RORA: variants seen among roughly 807,000 people sequenced by gnomAD.
RORA encodes nuclear receptor ROR-alpha.
RORA carries 7 observed loss-of-function variants against 69.5 expected under a neutral mutation model. The observed-to-expected ratio is 0.10, with a 90% CI of 0.06 to 0.19. RORA has a LOEUF of 0.19. RORA is among the 10% of genes least tolerant of loss of function. The pLI is 1.00. For missense variants in RORA, 457 were observed against 663.0 expected (o/e 0.69, Z 3.41); for synonymous variants, 261 against 240.8 (o/e 1.08, Z -0.78).
chr15:60,810,544 C>G (rs2072728632), intron 1 of RORA, among the ~76,000 whole-genome samples: 1 of 152,076 alleles, frequency 6.6e-6, no homozygotes, highest in African/African-American at 2.4e-5. Flanking sequence ...TTCCCATCCC[C>G]TGCTTATTTT....
At chr15:60,995,383 C>T (rs1254289918) in intron 1 of RORA, among the ~76,000 whole-genome samples, 1 of 152,188 alleles carries the variant, frequency 6.6e-6, no homozygotes, top group African/African-American at 2.4e-5. Context: ...AGCGCGAGGC[C>T]TCCTGGCCTT....
At chr15:60,809,584 A>G (rs2072712441) in intron 1 of RORA, among the ~76,000 whole-genome samples, 1 of 152,162 alleles carries the variant, frequency 6.6e-6, no homozygotes, top group Non-Finnish European at 1.5e-5. Flanking sequence ...CCACGACGGA[A>G]GATGAGGTTT....
intron 1 of RORA, among the ~76,000 whole-genome samples, chr15:61,068,772 A>C (rs998065875): frequency 6.6e-6 from 1 of 152,218 alleles, no homozygotes; most frequent in Non-Finnish European, 1.5e-5. Context: ...CAAGACCTGC[A>C]ACAAGTCACC....
chr15:61,211,342 G>A (rs932125691), intron 1 of RORA, among the ~76,000 whole-genome samples: 9 of 148,826 alleles, frequency 6.0e-5, no homozygotes, highest in African/African-American at 1.7e-4. Context: ...CCTTCCTTCC[G>A]CTCAGAAGTG....
intron 1 of RORA, among the ~76,000 whole-genome samples, chr15:61,210,393 G>C (rs1199555370): frequency 1.3e-5 from 2 of 152,078 alleles, no homozygotes; most frequent in Non-Finnish European, 2.9e-5. Flanking sequence ...AGGCAATAAG[G>C]CGAGTCTAAG....
At chr15:60,751,544 T>C (rs959367910) in intron 1 of RORA, among the ~76,000 whole-genome samples, 1 of 152,132 alleles carries the variant, frequency 6.6e-6, no homozygotes, top group African/African-American at 2.4e-5. Context: ...ACTTTACAAA[T>C]GATGTTGAGG....
At chr15:60,600,804 G>A (rs2068792474) in intron 2 of RORA, among the ~76,000 whole-genome samples, 1 of 151,870 alleles carries the variant, frequency 6.6e-6, no homozygotes, top group Admixed American at 6.6e-5. Context: ...AATCAAAATG[G>A]GTTTCCAATC....
chr15:61,171,127 TACTC>T (rs1489750935), intron 1 of RORA, among the ~76,000 whole-genome samples: 5 of 152,182 alleles, frequency 3.3e-5, no homozygotes, highest in Non-Finnish European at 7.4e-5. Flanking sequence ...TGCTGGCTCA[TACTC>T]ACTCTGATCA....
At chr15:60,848,230 C>T (rs1481118081) in intron 1 of RORA, 1 of 152,264 alleles carries the variant, frequency 6.6e-6, no homozygotes, top group Non-Finnish European at 1.5e-5. Flanking sequence ...ATAATGGCCC[C>T]CAAAGATGTC....
Position 60,705,258 on chromosome 15 carries a change from G to A in RORA, c.167-26572C>T, listed in dbSNP as rs117194204. Among the ~76,000 whole-genome samples, 1,097 of 152,266 alleles carry A rather than the reference G, an allele frequency of 7.2e-3. 37 individuals carry two copies. In the East Asian group the frequency reaches 0.1, roughly 14 times the overall value. ...TTTGAAGGCAGGGCTTGTATTAAAT[G>A]CCAAATAAGGAATTTTTACACAATG... On this transcript the variant is annotated intron_variant, in intron 1 of 10. Coordinates refer to ENST00000335670, the MANE Select transcript of RORA (RefSeq NM_134261.3).
intron 1 of RORA, among the ~76,000 whole-genome samples, chr15:60,744,924 C>T (rs2071626409): frequency 6.6e-6 from 1 of 152,198 alleles, no homozygotes; most frequent in Non-Finnish European, 1.5e-5. Context: ...GCCTCCACCA[C>T]TGATTAAATG....
In RORA at chr15:60,990,246, CAATT is replaced by C. The variant is rs576358577; in HGVS notation, c.166+238803_166+238806del. ...GATAATAAATGAAATTTTAATTTGA[CAATT>C]AATAGTATAAAAGTGTTAGGATATT... On this transcript the variant is annotated intron_variant, in intron 1 of 10. Coordinates refer to ENST00000335670, the MANE Select transcript of RORA (RefSeq NM_134261.3). 4.3e-3 allele frequency among the ~76,000 whole-genome samples: 652 copies of C among 152,222 alleles called. 8 individuals are homozygous for C. The highest frequency in any genetic ancestry group is 0.015 in the African/African-American group (623 of 41,514).
At chr15:60,721,916 G>C (rs1247653511) in intron 1 of RORA, among the ~76,000 whole-genome samples, 1 of 152,240 alleles carries the variant, frequency 6.6e-6, no homozygotes, top group Non-Finnish European at 1.5e-5. Flanking sequence ...TTTACTCAAG[G>C]ACTCGCCCTA....
At chr15:61,056,214 G>A (rs1369242640) in intron 1 of RORA, among the ~76,000 whole-genome samples, 2 of 152,162 alleles carry the variant, frequency 1.3e-5, no homozygotes, top group African/African-American at 4.8e-5. Flanking sequence ...GAATTTGCTG[G>A]CTCCGACAGT....
chr15:60,627,326 C>T lies in RORA; in HGVS notation c.196+51331G>A, dbSNP rs774032302. The T allele has an allele frequency of 2.5e-6, 4 of 1,614,200 alleles. No individual in the cohort carries two copies. In the South Asian group the frequency reaches 3.3e-5, roughly 13 times the overall value. On this transcript the variant is annotated intron_variant, in intron 2 of 10. Transcript: ENST00000335670. Reference sequence around the variant, plus strand: ...CAATGACCCATGATTGACCACGGCACTCTTGCCTCAGTCTCTAAGTCACTG... The same window carrying T: ...CAATGACCCATGATTGACCACGGCATTCTTGCCTCAGTCTCTAAGTCACTG...
intron 1 of RORA, among the ~76,000 whole-genome samples, chr15:61,137,040 A>T (rs1158099873): frequency 2.1e-5 from 3 of 139,746 alleles, no homozygotes; most frequent in Non-Finnish European, 1.5e-5. Flanking sequence ...AGAAAGAAAG[A>T]AAGAAAGAAA....
intron 1 of RORA, among the ~76,000 whole-genome samples, chr15:61,207,362 C>T (rs557378864): frequency 3.9e-5 from 6 of 152,314 alleles, no homozygotes; most frequent in Admixed American, 1.3e-4. Flanking sequence ...AAACATACTA[C>T]AGATTAACCA....
chr15:60,951,121 C>T (rs998701194), intron 1 of RORA, among the ~76,000 whole-genome samples: 2 of 152,126 alleles, frequency 1.3e-5, no homozygotes, highest in Admixed American at 1.3e-4. Flanking sequence ...AACTAGAACT[C>T]GGGATTAAGA....
At chr15:60,939,679 G>A (rs1439259742) in intron 1 of RORA, among the ~76,000 whole-genome samples, 1 of 152,192 alleles carries the variant, frequency 6.6e-6, no homozygotes, top group African/African-American at 2.4e-5. Context: ...ATTATAACAG[G>A]GGGACAGCAC....
Sources: gnomAD v4.1 joint callset for allele counts (sites outside exome capture counted in the v4.1 genomes callset) on GRCh38, gnomAD v4.1.1 for gene constraint, MANE v1.5 for transcripts, NCBI Gene and HGNC (gene_info 2026-07-23, HGNC 2026-07-21) for gene names.